Variants in CCPG1 observed in about 807,000 individuals in gnomAD.
CCPG1 encodes cell cycle progression protein 1.
CCPG1 carries 46 observed loss-of-function variants against 81.3 expected under a neutral mutation model. That is an observed-to-expected ratio of 0.57 (90% CI 0.45 to 0.72). The LOEUF is 0.72. Among genes scored for constraint, CCPG1 ranks in the 30% least tolerant of loss-of-function variants. The pLI, the probability that CCPG1 is intolerant of heterozygous loss-of-function variation, is 0.00. For missense variants in CCPG1, 902 were observed against 937.6 expected (o/e 0.96, Z 0.50); for synonymous variants, 330 against 305.2 (o/e 1.08, Z -0.85).
chr15:55,378,130 C>T (rs962918179), intron 4 of CCPG1, among the ~76,000 whole-genome samples, 170 bp downstream of exon 4: 1 of 152,126 alleles, frequency 6.6e-6, no homozygotes, highest in Admixed American at 6.6e-5. Context: ...ATCTTTAACA[C>T]AATACCAATA....
chr15:55,358,475 T>C (rs1041547241), intron 8 of CCPG1: 45 of 985,340 alleles, frequency 4.6e-5, no homozygotes, highest in Non-Finnish European at 5.2e-5. Context: ...CCCTTCATGG[T>C]CTGCATCTCT....
At chr15:55,400,566 A>C (rs374214368) in intron 1 of CCPG1, among the ~76,000 whole-genome samples, 2 of 102,066 alleles carry the variant, frequency 2.0e-5, no homozygotes, top group Admixed American at 1.7e-4. Flanking sequence ...AAAAAACAAA[A>C]ACAAAACAAA....
intron 3 of CCPG1, among the ~76,000 whole-genome samples, chr15:55,380,456 C>G (rs930358984): frequency 6.6e-6 from 1 of 151,354 alleles, no homozygotes; most frequent in Admixed American, 6.6e-5. Context: ...CCACCACGCC[C>G]GGCTAATTTT....
chr15:55,400,822 C>T (rs1393916807), intron 1 of CCPG1, among the ~76,000 whole-genome samples: 1 of 152,166 alleles, frequency 6.6e-6, no homozygotes, highest in Non-Finnish European at 1.5e-5. Context: ...TGTGAAGCAT[C>T]TATATTCATA....
chr15:55,393,847 A>T (rs2056968654), intron 1 of CCPG1, among the ~76,000 whole-genome samples: 1 of 152,196 alleles, frequency 6.6e-6, no homozygotes, highest in Non-Finnish European at 1.5e-5. Flanking sequence ...CACATAGGGT[A>T]TACACCAAGT....
At position 55,377,082 on chromosome 15, in the gene CCPG1, A is replaced by G; in HGVS notation, c.321T>C (p.Val107=). The change falls in exon 5 of 9, where the codon GTT becomes GTC. Residue 107 remains valine, a synonymous_variant. Transcript: ENST00000442196. ...IGTASDDSDI[V]TLEPPKLEEI... The stretch of plus-strand genomic sequence containing the variant: ...CTTCTAACTTAGGTGGCTCAAGGGT[A>G]ACAATATCAGAATCATCACTGGCAG... 1 of 1,613,766 alleles carries G rather than the reference A, an allele frequency of 6.2e-7. No individual in the cohort carries two copies. Among genetic ancestry groups the G allele is most frequent in the Non-Finnish European group, 8.5e-7 (1 of 1,179,726 alleles).
intron 6 of CCPG1, among the ~76,000 whole-genome samples, chr15:55,368,868 T>A (rs2056386651): frequency 1.3e-5 from 2 of 152,104 alleles, no homozygotes; most frequent in Admixed American, 1.3e-4. Context: ...TCCCAGCACT[T>A]TGGGAGGCCG....
At chr15:55,407,121 G>C (rs952144776) in intron 1 of CCPG1, among the ~76,000 whole-genome samples, 47 of 150,500 alleles carry the variant, frequency 3.1e-4, no homozygotes, top group Non-Finnish European at 5.7e-4. Context: ...CCAGATACTC[G>C]GGAGGCTGAG....
At chr15:55,391,891 G>GGGGC (rs1555409787) in intron 1 of CCPG1, among the ~76,000 whole-genome samples, 2 of 115,224 alleles carry the variant, frequency 1.7e-5, no homozygotes, top group Non-Finnish European at 4.0e-5. Context: ...AAAAAAAGGG[G>GGGGC]GGGGGGGGCT....
Position 55,359,067 on chromosome 15 carries a change from T to C in CCPG1, c.2234+472A>G, listed in dbSNP as rs888509247. ...ATGTGACTAAGTATCATAACTAAGC[T>C]GGTACATGGAATGGACAAGTGAAAA... On this transcript the variant is annotated intron_variant, in intron 8 of 8. Transcript: ENST00000442196. 13 of 985,064 alleles carry C rather than the reference T, an allele frequency of 1.3e-5. No homozygotes were observed. The African/African-American group carries it at 2.3e-4, about 17-fold the overall frequency. 61.0% of individuals were successfully genotyped at this position (985,064 alleles called of 1,614,324 possible). A position where few individuals can be genotyped will look rare whatever the true frequency, so the allele number is the denominator to read the frequency against.
chr15:55,369,847 A>T (rs558632492), intron 6 of CCPG1, among the ~76,000 whole-genome samples: 1 of 152,204 alleles, frequency 6.6e-6, no homozygotes, highest in Non-Finnish European at 1.5e-5. Context: ...GTTTTAATGC[A>T]ATTTGGATTA....
At chr15:55,376,017 C>G (rs2056557663) in intron 5 of CCPG1, among the ~76,000 whole-genome samples, 1 of 152,130 alleles carries the variant, frequency 6.6e-6, no homozygotes, top group Non-Finnish European at 1.5e-5. Flanking sequence ...ATTTTATTAG[C>G]TTAAACTGGA....
At chr15:55,363,165 T>A (rs567595710) in intron 7 of CCPG1, among the ~76,000 whole-genome samples, 3 of 151,862 alleles carry the variant, frequency 2.0e-5, no homozygotes, top group Non-Finnish European at 4.4e-5. Context: ...CTGGCCAACA[T>A]AGTGAAACCC....
Position 55,359,967 on chromosome 15 carries a change from T to A in CCPG1, c.1806A>T (p.Glu602Asp), listed in dbSNP as rs2056157314. 2 of 1,612,850 alleles carry A rather than the reference T, an allele frequency of 1.2e-6. No homozygotes were observed. Among genetic ancestry groups the A allele is most frequent in the Non-Finnish European group, 1.7e-6 (2 of 1,179,794 alleles). ...GRKEKPVHFK[E>D]FRKNTNSKKC... is the part of the protein sequence containing the mutation. ...TCTTTGAATTTGTATTTTTTCTGAATTCTTTAAAGTGAACTGGCTTTTCTT... is the reference window on the plus strand; with the variant it reads ...TCTTTGAATTTGTATTTTTTCTGAAATCTTTAAAGTGAACTGGCTTTTCTT... Residue 602 changes from glutamate (E) to aspartate (D), a missense_variant, in exon 8 of 9, where the codon GAA becomes GAT. This residue lies in a region of CCPG1 where 746 missense variants were observed against 728.6 expected (regional missense o/e 1.02). Coordinates refer to ENST00000442196, the MANE Select transcript of CCPG1 (RefSeq NM_001204450.2).
intron 1 of CCPG1, among the ~76,000 whole-genome samples, chr15:55,398,548 TGA>T (rs1174119892): frequency 6.6e-6 from 1 of 151,918 alleles, no homozygotes; most frequent in Non-Finnish European, 1.5e-5. Context: ...ACACATCACT[TGA>T]GAAAGGGAAG....
intron 5 of CCPG1, 49 bp downstream of exon 5, chr15:55,376,900 T>C (rs1433715372): frequency 4.4e-6 from 6 of 1,360,986 alleles, no homozygotes; most frequent in Non-Finnish European, 6.2e-6. Context: ...AGCCTTTATA[T>C]AAAATGTGGT....
intron 1 of CCPG1, among the ~76,000 whole-genome samples, chr15:55,407,227 T>A (rs1291710454): frequency 9.8e-5 from 6 of 61,050 alleles, no homozygotes; most frequent in Non-Finnish European, 1.6e-4. Context: ...AAACCCTCTC[T>A]CAAAAAAAAA....
chr15:55,394,268 G>A (rs542298943), intron 1 of CCPG1, among the ~76,000 whole-genome samples: 5 of 152,252 alleles, frequency 3.3e-5, no homozygotes, highest in East Asian at 3.9e-4. Context: ...TTACAGGTGT[G>A]AGCCACTGTA....
intron 1 of CCPG1, among the ~76,000 whole-genome samples, chr15:55,395,287 A>G (rs1043873218): frequency 7.0e-6 from 1 of 142,982 alleles, no homozygotes; most frequent in Non-Finnish European, 1.5e-5. Context: ...CGTGTACTAC[A>G]ATCAAAGGAA....
Sources: gnomAD v4.1 joint callset for allele counts (sites outside exome capture counted in the v4.1 genomes callset) on GRCh38, gnomAD v4.1.1 for gene constraint, gnomAD v4.1.1 regional missense constraint, MANE v1.5 for transcripts, NCBI Gene and HGNC (gene_info 2026-07-23, HGNC 2026-07-21) for gene names.